Variants in NEGR1 observed in about 807,000 individuals in gnomAD.
NEGR1 encodes neuronal growth regulator 1.
NEGR1 carries 10 observed loss-of-function variants against 40.9 expected under a neutral mutation model. The ratio of observed to expected loss-of-function variants is 0.24; its 90% confidence interval spans 0.15 to 0.42. The LOEUF is 0.42. Ranked by LOEUF, NEGR1 falls within the 10% of genes least tolerant of loss-of-function variation. The pLI, the probability that NEGR1 is intolerant of heterozygous loss-of-function variation, is 1.00. For synonymous variants in NEGR1, 185 were observed against 166.8 expected (o/e 1.11, Z -0.84); for missense variants, 352 against 438.9 (o/e 0.80, Z 1.77).
intron 2 of NEGR1, among the ~76,000 whole-genome samples, chr1:71,815,654 T>C (rs1477619120): frequency 6.6e-6 from 1 of 152,046 alleles, no homozygotes; most frequent in Non-Finnish European, 1.5e-5. Flanking sequence ...TCTTTACCAT[T>C]ATGTATTACC....
intron 1 of NEGR1, among the ~76,000 whole-genome samples, chr1:72,057,962 C>T (rs1159542835): frequency 6.6e-6 from 1 of 151,514 alleles, no homozygotes; most frequent in African/African-American, 2.4e-5. Context: ...GGGTTTGGCG[C>T]TTCAAGATAT....
chr1:71,842,080 A>G (rs1470836507), intron 2 of NEGR1, among the ~76,000 whole-genome samples: 1 of 152,160 alleles, frequency 6.6e-6, no homozygotes, highest in Non-Finnish European at 1.5e-5. Context: ...GTCATTGCCT[A>G]TTAGATGATT....
rs1348386940 is a variant in NEGR1 at position 71,756,400 on chromosome 1, ACAAAAACAAAC to A, written c.535+19761_535+19771del. Among the ~76,000 whole-genome samples the A allele has an allele frequency of 3.7e-4, 51 of 138,204 alleles. 2 individuals are homozygous for A. The highest frequency in any genetic ancestry group is 1.3e-3 in the South Asian group (6 of 4,460). The allele number at this position is 138,204 out of a possible 152,430, so 90.7% of individuals were successfully genotyped here. On this transcript the variant is annotated intron_variant, in intron 3 of 6. Transcript: ENST00000357731. ...ATCAAATGCCTCAAAAAAACAAAAAACAAAAACAAACAAAAAAAAAAAACCAAAAAAAACCA... is the reference window on the plus strand; with the variant it reads ...ATCAAATGCCTCAAAAAAACAAAAAAAAAAAAAAAAAACCAAAAAAAACCA...
chr1:72,102,925 C>T (rs930313018), intron 1 of NEGR1, among the ~76,000 whole-genome samples: 9 of 151,988 alleles, frequency 5.9e-5, no homozygotes, highest in African/African-American at 9.6e-5. Context: ...GCTAGGTTAG[C>T]GGAATGGCAA....
intron 5 of NEGR1, among the ~76,000 whole-genome samples, chr1:71,594,716 A>T (rs1305677059): frequency 2.0e-5 from 3 of 152,198 alleles, no homozygotes; most frequent in Non-Finnish European, 4.4e-5. Context: ...TCCCCTAGTC[A>T]TTATTATATA....
rs142798364 is a variant in NEGR1, at chr1:71,415,587, G to A, written c.941-8017C>T. On this transcript the variant is annotated intron_variant, in intron 6 of 6. Transcript: ENST00000357731. ...CCAAGACTATTACCTCTAATTTGAG[G>A]TAAGGAGAATAAGGAAGCAATCATC... 3.3e-3 allele frequency among the ~76,000 whole-genome samples: 502 copies of A among 152,178 alleles called. 5 individuals carry two copies. Among genetic ancestry groups the A allele is most frequent in the Middle Eastern group, 0.01 (3 of 294 alleles).
At chr1:71,633,559 A>C (rs960340144) in intron 4 of NEGR1, among the ~76,000 whole-genome samples, 1 of 152,088 alleles carries the variant, frequency 6.6e-6, no homozygotes, top group Non-Finnish European at 1.5e-5. Context: ...GAGGGAAGAA[A>C]TTAACTAAAC....
chr1:71,805,202 T>G (rs1657714770), intron 2 of NEGR1, among the ~76,000 whole-genome samples: 1 of 152,136 alleles, frequency 6.6e-6, no homozygotes, highest in South Asian at 2.1e-4. Context: ...TGCCCAAAAC[T>G]TCATTAGCAA....
intron 5 of NEGR1, among the ~76,000 whole-genome samples, chr1:71,610,119 G>A (rs1234011366): frequency 1.3e-5 from 2 of 152,154 alleles, no homozygotes; most frequent in Non-Finnish European, 2.9e-5. Context: ...CCAGTCTTGG[G>A]CAGTTTTTTA....
At chr1:71,700,077 T>C (rs890455665) in intron 3 of NEGR1, among the ~76,000 whole-genome samples, 2 of 151,976 alleles carry the variant, frequency 1.3e-5, no homozygotes, top group East Asian at 1.9e-4. Context: ...TTCAGAAAAT[T>C]TGACATTTCG....
chr1:72,213,308 T>C (rs1265843804), intron 1 of NEGR1, among the ~76,000 whole-genome samples: 2 of 151,978 alleles, frequency 1.3e-5, no homozygotes, highest in Non-Finnish European at 2.9e-5. Flanking sequence ...TTTGTAAAAC[T>C]TTTGCAAAAT....
chr1:71,700,057 T>C (rs72944111), intron 3 of NEGR1, among the ~76,000 whole-genome samples: 11,103 of 151,970 alleles, frequency 0.073, 498 homozygotes, highest in East Asian at 0.13. Context: ...TACAACAACA[T>C]AATAGAAAAT....
intron 2 of NEGR1, among the ~76,000 whole-genome samples, chr1:71,916,200 T>C (rs1187658167): frequency 1.3e-5 from 2 of 152,196 alleles, no homozygotes; most frequent in Non-Finnish European, 2.9e-5. Flanking sequence ...TATTTAAATG[T>C]TTATTTTATA....
At chr1:71,604,478 A>T (rs1650020057) in intron 5 of NEGR1, among the ~76,000 whole-genome samples, 1 of 152,164 alleles carries the variant, frequency 6.6e-6, no homozygotes, top group South Asian at 2.1e-4. Context: ...ATACTCACAT[A>T]AAATTTATAG....
intron 1 of NEGR1, among the ~76,000 whole-genome samples, chr1:72,060,214 T>C (rs1388094146): frequency 6.6e-6 from 1 of 151,636 alleles, no homozygotes; most frequent in African/African-American, 2.4e-5. Flanking sequence ...TCTTGATTTT[T>C]TTCCCTCACA....
At chr1:71,896,941 A>C (rs1422488468) in intron 2 of NEGR1, among the ~76,000 whole-genome samples, 1 of 152,166 alleles carries the variant, frequency 6.6e-6, no homozygotes, top group Non-Finnish European at 1.5e-5. Context: ...GGAGAGGCCA[A>C]GTAACTGGCT....
At chr1:71,857,626 C>CAAAAAAA (rs59343025) in intron 2 of NEGR1, among the ~76,000 whole-genome samples, 1 of 53,440 alleles carries the variant, frequency 1.9e-5, no homozygotes, top group African/African-American at 7.5e-5. Flanking sequence ...GATCCTGTCT[C>CAAAAAAA]AAAAAAAAAA....
intron 6 of NEGR1, among the ~76,000 whole-genome samples, chr1:71,539,240 C>A (rs1465139318): frequency 6.6e-6 from 1 of 151,680 alleles, no homozygotes. Context: ...AGCTTATTTT[C>A]TAATTGAAAT....
At chr1:72,161,150 A>G (rs546698169) in intron 1 of NEGR1, among the ~76,000 whole-genome samples, 76 of 150,788 alleles carry the variant, frequency 5.0e-4, no homozygotes, top group African/African-American at 1.7e-3. Flanking sequence ...ATCATAATCT[A>G]GGACAGATTT....
Sources: gnomAD v4.1 joint callset for allele counts (sites outside exome capture counted in the v4.1 genomes callset) on GRCh38, gnomAD v4.1.1 for gene constraint, MANE v1.5 for transcripts, NCBI Gene and HGNC (gene_info 2026-07-23, HGNC 2026-07-21) for gene names.